Variants in NOTUM observed in about 807,000 individuals in gnomAD.
The protein encoded by NOTUM is notum, palmitoleoyl-protein carboxylesterase.
A neutral mutation model predicts 65.5 loss-of-function variants in NOTUM; 36 were observed. That is an observed-to-expected ratio of 0.55 (90% CI 0.42 to 0.73). The LOEUF is 0.73. NOTUM is among the 30% of genes least tolerant of loss of function. The probability of loss-of-function intolerance (pLI) is 0.00; values close to 1 mark genes in which losing one functional copy is unlikely to be tolerated. For synonymous variants in NOTUM, 356 were observed against 297.9 expected (o/e 1.20, Z -2.01); for missense variants, 659 against 694.2 (o/e 0.95, Z 0.57).
intron 8 of NOTUM, among the ~76,000 whole-genome samples, chr17:81,956,160 C>G (rs2041431771): frequency 6.6e-6 from 1 of 152,218 alleles, no homozygotes; most frequent in South Asian, 2.1e-4. Flanking sequence ...CTCTGTTTAA[C>G]CCCTCCATGA....
intron 9 of NOTUM, among the ~76,000 whole-genome samples, chr17:81,954,872 C>T (rs1203220994): frequency 2.0e-5 from 3 of 152,256 alleles, no homozygotes; most frequent in African/African-American, 7.2e-5. Flanking sequence ...CTGCCTCGGC[C>T]TCCCAAAGGG....
At chr17:81,958,753 C>A (rs1264806055) in intron 4 of NOTUM, among the ~76,000 whole-genome samples, 182 bp downstream of exon 4, 3 of 151,964 alleles carry the variant, frequency 2.0e-5, no homozygotes, top group African/African-American at 7.3e-5. Context: ...AGGACAGGAC[C>A]TCCTCCCCAC....
At chr17:81,958,674 C>T (rs1329415046) in intron 4 of NOTUM, among the ~76,000 whole-genome samples, 1 of 151,582 alleles carries the variant, frequency 6.6e-6, no homozygotes, top group Non-Finnish European at 1.5e-5. Flanking sequence ...GAAGGACCAT[C>T]CCAGGAGAGG....
At chr17:81,956,263 G>C (rs1447777153) in intron 8 of NOTUM, among the ~76,000 whole-genome samples, 1 of 152,180 alleles carries the variant, frequency 6.6e-6, no homozygotes, top group Non-Finnish European at 1.5e-5. Context: ...CGTGGGGCTG[G>C]GGAGGAACTA....
chr17:81,959,224 C>G, intron 3 of NOTUM: 2 of 612,964 alleles, frequency 3.3e-6, no homozygotes, highest in South Asian at 3.9e-5. Context: ...CCAGGTCTGA[C>G]CTTGACTTCA....
chr17:81,959,714 G>C (rs1020341135), intron 1 of NOTUM, 22 bp from the exon 2 acceptor site: 6 of 1,423,586 alleles, frequency 4.2e-6, no homozygotes, highest in African/African-American at 1.5e-5. Context: ...GACGCACCGC[G>C]GGGGGTCGGC....
intron 9 of NOTUM, among the ~76,000 whole-genome samples, chr17:81,954,931 ATCTCTCTCTCTCTC>A (rs35033192): frequency 9.1e-6 from 1 of 110,024 alleles, no homozygotes; most frequent in African/African-American, 2.9e-5. Flanking sequence ...ACCGATCTCG[ATCTCTCTCTCTCTC>A]TCTCTCTCTC....
At chr17:81,957,769 T>A in intron 6 of NOTUM, 37 bp downstream of exon 6, 2 of 1,433,796 alleles carry the variant, frequency 1.4e-6, no homozygotes, top group Non-Finnish European at 1.9e-6. Flanking sequence ...CACACCGTCC[T>A]CACCCCTCAC....
chr17:81,957,093 G>T lies in NOTUM; in HGVS notation c.696-19C>A, dbSNP rs200463470. On this transcript the variant is annotated intron_variant, in intron 6 of 10. Coordinates refer to ENST00000409678, the MANE Select transcript of NOTUM (RefSeq NM_178493.6). ...CCCCGCGCTGCAAGGAGGGCCAGAC[G>T]TGAGGCCAGGTGGCTGGGAAGAGGC... 6 of 1,580,066 alleles carry T rather than the reference G, an allele frequency of 3.8e-6. No individual in the cohort carries two copies. In the South Asian group the frequency reaches 4.5e-5, roughly 12 times the overall value.
chr17:81,959,305 T>C (rs2041456217), intron 3 of NOTUM, 166 bp downstream of exon 3: 2 of 625,546 alleles, frequency 3.2e-6, no homozygotes, highest in Non-Finnish European at 2.8e-6. Context: ...TAATGTGGAA[T>C]GGGCCCCAAA....
intron 1 of NOTUM, 188 bp from the exon 2 acceptor site, chr17:81,959,880 GGC>G (rs2041461116): frequency 9.3e-6 from 2 of 215,618 alleles, no homozygotes; most frequent in African/African-American, 2.3e-5. Context: ...GCGCTCGCGG[GGC>G]GGGGAACGGG....
Position 81,954,281 on chromosome 17 carries a change from G to C in NOTUM, c.1159C>G (p.Leu387Val). Residue 387 changes from leucine to valine, a missense_variant, in exon 10 of 11, where the codon CTC becomes GTC. By Grantham distance (32) the Leu-to-Val change is conservative. Coordinates refer to ENST00000409678, the MANE Select transcript of NOTUM (RefSeq NM_178493.6). Reference sequence around the variant, plus strand: ...CTCCGGATGATGATCTCATGGGAGAGGCAGGCGGGGGCAAAGCTGGCCCTG... The same window carrying C: ...CTCCGGATGATGATCTCATGGGAGACGCAGGCGGGGGCAAAGCTGGCCCTG... ...DVPASFAPAC[L>V]SHEIIIRSHW... 6.2e-7 allele frequency: 1 copy of C among 1,613,116 alleles called. No individual in the cohort carries two copies. Among genetic ancestry groups the C allele is most frequent in the Non-Finnish European group, 8.5e-7 (1 of 1,179,116 alleles).
At chr17:81,953,330 GTTT>G in intron 10 of NOTUM, 63 bp from the exon 11 acceptor site, 2 of 858,750 alleles carry the variant, frequency 2.3e-6, no homozygotes, top group Non-Finnish European at 3.4e-6. Context: ...TGAGGCAGCT[GTTT>G]TTTTTTTTGA....
chr17:81,958,328 GACTC>G lies in NOTUM; in HGVS notation c.592+3_592+6del. Reference sequence around the variant, plus strand: ...CCCTGCCATGCCCTGGGAAGGCCGAGACTCACTCTTCTCAGACTTGGATGAAGCC... The same window carrying G: ...CCCTGCCATGCCCTGGGAAGGCCGAGACTCTTCTCAGACTTGGATGAAGCC... On this transcript the variant is annotated splice_donor_5th_base_variant and intron_variant, in intron 5 of 10. Coordinates refer to ENST00000409678, the MANE Select transcript of NOTUM (RefSeq NM_178493.6). The G allele has an allele frequency of 6.3e-7, 1 of 1,599,510 alleles. No homozygotes were observed. The highest frequency in any genetic ancestry group is 8.6e-7 in the Non-Finnish European group (1 of 1,168,352).
intron 6 of NOTUM, among the ~76,000 whole-genome samples, chr17:81,957,326 C>T (rs915721477): frequency 6.6e-6 from 1 of 152,230 alleles, no homozygotes; most frequent in Non-Finnish European, 1.5e-5. Flanking sequence ...CCCTTCCTCT[C>T]TCTGTCTCTT....
intron 6 of NOTUM, among the ~76,000 whole-genome samples, chr17:81,957,386 C>A (rs1252227199): frequency 6.6e-6 from 1 of 151,968 alleles, no homozygotes; most frequent in East Asian, 1.9e-4. Context: ...TGGCCTCAGG[C>A]CCCATCATCT....
rs1012400730 is a variant in NOTUM, at chr17:81,952,809, G to A, written c.*152C>T. The A allele has an allele frequency of 1.5e-5, 10 of 672,212 alleles. No homozygotes were observed. Among genetic ancestry groups the A allele is most frequent in the African/African-American group, 3.6e-5 (2 of 55,832 alleles). The allele number at this position is 672,212 out of a possible 1,614,324, so 41.6% of individuals were successfully genotyped here. A position where few individuals can be genotyped will look rare whatever the true frequency, so the allele number is the denominator to read the frequency against. On this transcript the variant is annotated 3_prime_UTR_variant, in exon 11 of 11. Transcript: ENST00000409678. ...CTGTGGGAGAGGGGCAGGGAAAGCC[G>A]GGGCAGGAGGGCAGTGGGCAGACCC...
chr17:81,958,196 CACG>C (rs1348827322), intron 5 of NOTUM, 136 bp downstream of exon 5: 2 of 672,786 alleles, frequency 3.0e-6, no homozygotes, highest in Non-Finnish European at 5.3e-6. Context: ...GCTTTGAAAG[CACG>C]ACAAGGCTGA....
intron 4 of NOTUM, 49 bp downstream of exon 4, chr17:81,958,886 G>T: frequency 6.9e-7 from 1 of 1,455,592 alleles, no homozygotes; most frequent in South Asian, 1.1e-5. Context: ...CCCCCGGGAA[G>T]AACCACCCTC....
Sources: allele counts gnomAD v4.1 joint callset (sites outside exome capture counted in the v4.1 genomes callset), GRCh38; gene constraint gnomAD v4.1.1; transcripts MANE v1.5; gene names NCBI Gene and HGNC (gene_info 2026-07-23, HGNC 2026-07-21).